The following RAD51AP2 variants were observed in gnomAD, a reference collection of about 807,000 sequenced individuals.
The protein encoded by RAD51AP2 is RAD51-associated protein 2.
RAD51AP2 carries 67 observed loss-of-function variants against 85.5 expected under a neutral mutation model. The observed-to-expected ratio is 0.78, with a 90% CI of 0.64 to 0.96. The LOEUF is 0.96. RAD51AP2 is among the 40% of genes least tolerant of loss of function. The pLI, the probability that RAD51AP2 is intolerant of heterozygous loss-of-function variation, is 0.00. For missense variants in RAD51AP2, 1,307 were observed against 1,332.4 expected (o/e 0.98, Z 0.30); for synonymous variants, 474 against 446.5 (o/e 1.06, Z -0.78).
chr2:17,519,934 C>A (rs772276966), upstream of RAD51AP2, among the ~76,000 whole-genome samples: 1 of 152,160 alleles, frequency 6.6e-6, no homozygotes. Context: ...CTTTTTAAAT[C>A]TGTAAAGTAA....
upstream of RAD51AP2, among the ~76,000 whole-genome samples, chr2:17,522,927 A>T (rs942101937): frequency 2.0e-4 from 31 of 152,026 alleles, no homozygotes; most frequent in Non-Finnish European, 7.4e-5. Flanking sequence ...TAAAAAATAC[A>T]TTTAACATGA....
At chr2:17,522,442 C>CT (rs1037669061), upstream of RAD51AP2, among the ~76,000 whole-genome samples, 1 of 151,620 alleles carries the variant, frequency 6.6e-6, no homozygotes, top group African/African-American at 2.4e-5. Flanking sequence ...ATTTGCTAAC[C>CT]TTTTTTTTAA....
At chr2:17,527,956 T>C in the RAD51AP2 span, among the ~76,000 whole-genome samples, 3 of 152,346 alleles carry the variant, frequency 2.0e-5, no homozygotes, top group East Asian at 1.9e-4. Context: ...TCCCAGCTTC[T>C]TTTTGCCACT....
At chr2:17,528,580 C>T in the RAD51AP2 span, among the ~76,000 whole-genome samples, 14 of 152,128 alleles carry the variant, frequency 9.2e-5, no homozygotes, top group African/African-American at 3.4e-4. Flanking sequence ...CGGTGGTTCA[C>T]GCCTCTAATA....
At chr2:17,524,247 G>T in the RAD51AP2 span, among the ~76,000 whole-genome samples, 1 of 151,920 alleles carries the variant, frequency 6.6e-6, no homozygotes, top group Non-Finnish European at 1.5e-5. Flanking sequence ...TTGTTGTTCA[G>T]TTCAAAAGAC....
Position 17,516,257 on chromosome 2 carries a change from A to G in RAD51AP2, c.2159T>C (p.Val720Ala), listed in dbSNP as rs1338497990. ...AGAATTATAGTGAGCCCAATTTTCC[A>G]CATTCACAACTTGTTGAGGACAACT... is the stretch of plus-strand genomic sequence containing the variant. ...NMSCPQQVVN[V>A]ENWAHYNSST... The change falls in exon 1 of 3, where the codon GTG (valine) becomes GCG (alanine). Residue 720 changes from valine to alanine, a missense_variant. Physicochemically the swap from Val to Ala is moderately conservative, Grantham distance 64 (BLOSUM62 0). Transcript: ENST00000399080. The G allele has an allele frequency of 6.2e-7, 1 of 1,610,748 alleles. No homozygotes were observed. Among genetic ancestry groups the G allele is most frequent in the Non-Finnish European group, 8.5e-7 (1 of 1,179,218 alleles).
rs1662680622 is a variant in RAD51AP2 at position 17,516,623 on chromosome 2, TC to T, written c.1792del (p.Glu598LysfsTer6). 6 of 1,574,500 alleles carry T rather than the reference TC, an allele frequency of 3.8e-6. No individual in the cohort carries two copies. Among genetic ancestry groups the T allele is most frequent in the Middle Eastern group, 1.7e-4 (1 of 5,864 alleles). ...TTCCTCTTCTAATTCAAAATCATTT[TC>T]AATTCTTGTTAAAGAGTCAAAGTTA... ...LNNFDSLTRI[E>X]NDFELEEECI... On this transcript the variant is annotated frameshift_variant, in exon 1 of 3. Coordinates refer to ENST00000399080, the MANE Select transcript of RAD51AP2 (RefSeq NM_001099218.3). LOFTEE classifies it high-confidence loss of function.
upstream of RAD51AP2, among the ~76,000 whole-genome samples, chr2:17,522,845 G>T (rs1230087363): frequency 6.6e-6 from 1 of 151,752 alleles, no homozygotes; most frequent in Non-Finnish European, 1.5e-5. Flanking sequence ...TAAATATTTA[G>T]TTGGACATGG....
At chr2:17,526,163 TA>T in the RAD51AP2 span, among the ~76,000 whole-genome samples, 1 of 152,024 alleles carries the variant, frequency 6.6e-6, no homozygotes, top group African/African-American at 2.4e-5. Flanking sequence ...CCAGGTGTTG[TA>T]TTTTTTTTAA....
At chr2:17,514,510 C>G (rs528271374) in intron 1 of RAD51AP2, among the ~76,000 whole-genome samples, 1 of 147,374 alleles carries the variant, frequency 6.8e-6, no homozygotes, top group South Asian at 2.2e-4. Flanking sequence ...GCTTGTAATC[C>G]TAGCATTTTG....
the RAD51AP2 span, among the ~76,000 whole-genome samples, chr2:17,524,252 A>G: frequency 6.6e-6 from 1 of 152,100 alleles, no homozygotes; most frequent in Non-Finnish European, 1.5e-5. Context: ...GTTCAGTTCA[A>G]AAGACATTTA....
In RAD51AP2 at chr2:17,518,148, C is replaced by T. The variant is rs970580267; in HGVS notation, c.268G>A (p.Val90Met). Reference protein sequence around the residue: ...AIFDNSTDSCVEKSVSGKQIC... With the variant: ...AIFDNSTDSCMEKSVSGKQIC... ...TGCTTCCCACTGACTGATTTCTCCACACACGAGTCTGTGGAGTTATCGAAA... is the reference window on the plus strand; with the variant it reads ...TGCTTCCCACTGACTGATTTCTCCATACACGAGTCTGTGGAGTTATCGAAA... Residue 90 changes from valine to methionine, a missense_variant, in exon 1 of 3, where the codon GTG becomes ATG. By Grantham distance (21) the Val-to-Met change is conservative. This residue lies in a region of RAD51AP2 where 635 missense variants were observed against 643.6 expected (regional missense o/e 0.99). Transcript: ENST00000399080. 3 of 1,614,200 alleles carry T rather than the reference C, an allele frequency of 1.9e-6. No homozygotes were observed. Among genetic ancestry groups the T allele is most frequent in the African/African-American group, 2.7e-5 (2 of 75,042 alleles).
At position 17,516,161 on chromosome 2, in the gene RAD51AP2, T is replaced by G. The variant is rs889706344; in HGVS notation, c.2255A>C (p.Asn752Thr). The G allele has an allele frequency of 5.0e-6, 8 of 1,613,260 alleles. No homozygotes were observed. The highest frequency in any genetic ancestry group is 5.9e-6 in the Non-Finnish European group (7 of 1,179,638). ...IQNNRGYINENFYEVNMHSQD... is the reference protein window; with the variant it reads ...IQNNRGYINETFYEVNMHSQD... ...GCTGTGCATATTTACTTCATAAAAA[T>G]TTTCATTAATGTATCCTCGGTTGTT... Residue 752 changes from asparagine to threonine, a missense_variant, in exon 1 of 3, where the codon AAT (asparagine) becomes ACT (threonine). Physicochemically the swap from Asn to Thr is moderately conservative, Grantham distance 65 (BLOSUM62 0). This residue lies in a region of RAD51AP2 where 668 missense variants were observed against 671.0 expected (regional missense o/e 1.00). Transcript: ENST00000399080.
the RAD51AP2 span, among the ~76,000 whole-genome samples, chr2:17,531,335 A>G: frequency 2.0e-4 from 31 of 152,292 alleles, no homozygotes; most frequent in Non-Finnish European, 3.4e-4. Context: ...TATGAATATT[A>G]AGATATATAA....
chr2:17,534,947 C>T, the RAD51AP2 span, among the ~76,000 whole-genome samples: 1 of 152,102 alleles, frequency 6.6e-6, no homozygotes, highest in African/African-American at 2.4e-5. Context: ...CTCATATCAA[C>T]GTAGCATTCA....
Position 17,517,446 on chromosome 2 carries a change from A to G in RAD51AP2, c.970T>C (p.Ser324Pro). The change falls in exon 1 of 3, where the codon TCC becomes CCC. Residue 324 changes from serine (S) to proline (P), a missense_variant. Around this residue, in one of 3 missense-constraint regions of RAD51AP2, gnomAD observed 635 missense variants for 643.6 expected, o/e 0.99. Transcript: ENST00000399080. ...KKTVEAENIFSKCYENDYPSL... is the reference protein window; with the variant it reads ...KKTVEAENIFPKCYENDYPSL... ...GGGTAGTCATTTTCATAACATTTGG[A>G]AAAAATGTTTTCCGCTTCTACAGTT... The G allele has an allele frequency of 3.7e-6, 6 of 1,613,254 alleles. No individual in the cohort carries two copies. The highest frequency in any genetic ancestry group is 1.7e-5 in the Admixed American group (1 of 60,018).
At position 17,517,469 on chromosome 2, in the gene RAD51AP2, GT is replaced by G; in HGVS notation, c.946del (p.Thr316LeufsTer2). 1 of 1,613,860 alleles carries G rather than the reference GT, an allele frequency of 6.2e-7. No homozygotes were observed. Among genetic ancestry groups the G allele is most frequent in the African/African-American group, 1.3e-5 (1 of 75,026 alleles). ...GGAAAAAATGTTTTCCGCTTCTACA[GT>G]TTTTTTATCATTCTGTAACTTTTGC... ...KKQKLQNDKKTVEAENIFSKC... is the reference protein window; with the variant it reads ...KKQKLQNDKKXVEAENIFSKC... On this transcript the variant is annotated frameshift_variant, in exon 1 of 3. Coordinates refer to ENST00000399080, the MANE Select transcript of RAD51AP2 (RefSeq NM_001099218.3). LOFTEE classifies it high-confidence loss of function.
Position 17,516,665 on chromosome 2 carries a change from A to C in RAD51AP2, c.1751T>G (p.Ile584Arg). 1 of 1,570,842 alleles carries C rather than the reference A, an allele frequency of 6.4e-7. No homozygotes were observed. The highest frequency in any genetic ancestry group is 8.6e-7 in the Non-Finnish European group (1 of 1,160,482). ...EPLDILLKTN[I>R]AFLLNNFDSL... is the part of the protein sequence containing the mutation. The stretch of plus-strand genomic sequence containing the variant: ...GTCAAAGTTATTGAGCAAAAAAGCT[A>C]TGTTAGTTTTCAATAGAATATCTAA... The change falls in exon 1 of 3, where the codon ATA becomes AGA. Residue 584 changes from isoleucine to arginine, a missense_variant. Physicochemically the swap from Ile to Arg is moderately conservative, Grantham distance 97 (BLOSUM62 -3). Around this residue, in one of 3 missense-constraint regions of RAD51AP2, gnomAD observed 668 missense variants for 671.0 expected, o/e 1.00. Transcript: ENST00000399080.
rs750832107 is a variant in RAD51AP2 at position 17,518,308 on chromosome 2, G to A, written c.108C>T (p.Leu36=). The A allele has an allele frequency of 1.2e-6, 2 of 1,614,146 alleles. No individual in the cohort carries two copies. The highest frequency in any genetic ancestry group is 1.7e-6 in the Non-Finnish European group (2 of 1,179,992). ...PDSQPPSSKR[L]CLEEPGGVFK... ...AGACACCTCCAGGCTCCTCAAGACA[G>A]AGCCGCTTGCTACTAGGTGGTTGGG... is the stretch of plus-strand genomic sequence containing the variant. Residue 36 remains leucine, a synonymous_variant, in exon 1 of 3, where the codon CTC becomes CTT. Transcript: ENST00000399080.
Sources: gnomAD v4.1 joint callset for allele counts (sites outside exome capture counted in the v4.1 genomes callset) on GRCh38, gnomAD v4.1.1 for gene constraint, gnomAD v4.1.1 regional missense constraint, MANE v1.5 for transcripts, NCBI Gene and HGNC (gene_info 2026-07-23, HGNC 2026-07-21) for gene names.